The following SEH1L variants were observed in gnomAD, a reference collection of about 807,000 sequenced individuals.
The protein encoded by SEH1L is SEH1 like nucleoporin.
A neutral mutation model predicts 49.5 loss-of-function variants in SEH1L; 18 were observed. That is an observed-to-expected ratio of 0.36 (90% CI 0.25 to 0.54). SEH1L has a LOEUF of 0.54. SEH1L is among the 20% of genes least tolerant of loss of function. SEH1L has a pLI of 0.87. For synonymous variants in SEH1L, 169 were observed against 178.1 expected (o/e 0.95, Z 0.41); for missense variants, 404 against 528.8 (o/e 0.76, Z 2.31).
At chr18:12,960,626 A>T (rs1447087718) in intron 3 of SEH1L, among the ~76,000 whole-genome samples, 1 of 152,180 alleles carries the variant, frequency 6.6e-6, no homozygotes, top group Non-Finnish European at 1.5e-5. Context: ...ACAGCTGCTT[A>T]TGGGGAGGAA....
At chr18:12,955,335 G>T (rs2030784913) in intron 2 of SEH1L, 128 bp from the exon 3 acceptor site, 2 of 814,864 alleles carry the variant, frequency 2.5e-6, no homozygotes, top group Admixed American at 2.8e-5. Flanking sequence ...TTCTCTCATA[G>T]AAGTAAAACT....
chr18:12,982,912 T>A (rs1422071342), intron 7 of SEH1L: 1 of 343,628 alleles, frequency 2.9e-6, no homozygotes, highest in Non-Finnish European at 5.3e-6. Flanking sequence ...TACAACAGAA[T>A]ATGCAATATC....
intron 8 of SEH1L, chr18:12,985,648 T>C (rs1048494334): frequency 3.0e-6 from 3 of 987,612 alleles, no homozygotes; most frequent in African/African-American, 1.7e-5. Context: ...TCTTTTGCTT[T>C]CTTAAAACAG....
chr18:12,979,602 T>C (rs1186772892), intron 6 of SEH1L, among the ~76,000 whole-genome samples: 3 of 151,398 alleles, frequency 2.0e-5, no homozygotes, highest in Admixed American at 2.0e-4. Flanking sequence ...CCAGACGGGG[T>C]GGTGGCTGGG....
At chr18:12,975,887 G>A (rs2031897562) in intron 5 of SEH1L, 2 of 985,620 alleles carry the variant, frequency 2.0e-6, no homozygotes. Flanking sequence ...GGTCACGTGA[G>A]TCTTGGTTTC....
chr18:12,970,849 G>T (rs1384096638), intron 4 of SEH1L, among the ~76,000 whole-genome samples: 1 of 152,210 alleles, frequency 6.6e-6, no homozygotes, highest in African/African-American at 2.4e-5. Context: ...GACCTCTTAA[G>T]TATCTTTTAA....
intron 4 of SEH1L, among the ~76,000 whole-genome samples, chr18:12,967,817 G>T (rs147497340): frequency 6.6e-6 from 1 of 152,160 alleles, no homozygotes; most frequent in South Asian, 2.1e-4. Context: ...AGGAGGCTGA[G>T]GCAGGAGAAT....
rs1467685892 is a variant in SEH1L, at chr18:12,981,849, C to CTTTTTTTTTTTTTTTTTTTTT, written c.762-669_762-668insTTTTTTTTTTTTTTTTTTTTT. Among the ~76,000 whole-genome samples the CTTTTTTTTTTTTTTTTTTTTT allele has an allele frequency of 2.0e-5, 2 of 102,504 alleles. 1 individual carries two copies. 67.2% of individuals were successfully genotyped at this position (102,504 alleles called of 152,430 possible). A position where few individuals can be genotyped will look rare whatever the true frequency, so the allele number is the denominator to read the frequency against. ...ATTCTTTCCTACTTGCTGCCCTGCCCATTTTTTTTTTTTTTTTTTTTTTTT... is the reference window on the plus strand; with the variant it reads ...ATTCTTTCCTACTTGCTGCCCTGCCCTTTTTTTTTTTTTTTTTTTTTATTTTTTTTTTTTTTTTTTTTTTTT... On this transcript the variant is annotated intron_variant, in intron 6 of 8. Coordinates refer to ENST00000399892, the MANE Select transcript of SEH1L (RefSeq NM_001013437.2).
At position 12,967,037 on chromosome 18, in the gene SEH1L, C is replaced by T. The variant is rs1428520466; in HGVS notation, c.521+3666C>T. 1.4e-5 allele frequency among the ~76,000 whole-genome samples: 2 copies of T among 140,308 alleles called. 1 individual carries two copies. Among genetic ancestry groups the T allele is most frequent in the Non-Finnish European group, 3.1e-5 (2 of 65,458 alleles). The allele number at this position is 140,308 out of a possible 152,430, so 92.0% of individuals were successfully genotyped here. ...ACCAGTTTTTGTTACATGTATTACACTATTTCCCTGTGGTTTCTAGTGAAG... is the reference window on the plus strand; with the variant it reads ...ACCAGTTTTTGTTACATGTATTACATTATTTCCCTGTGGTTTCTAGTGAAG... On this transcript the variant is annotated intron_variant, in intron 4 of 8. Coordinates refer to ENST00000399892, the MANE Select transcript of SEH1L (RefSeq NM_001013437.2).
Position 12,948,040 on chromosome 18 carries a change from G to A in SEH1L, c.-82G>A, listed in dbSNP as rs528995697. The A allele has an allele frequency of 2.2e-4, 227 of 1,020,994 alleles. No homozygotes were observed. The South Asian group carries it at 3.1e-3, about 14-fold the overall frequency. 63.2% of individuals were successfully genotyped at this position (1,020,994 alleles called of 1,614,324 possible). On this transcript the variant is annotated 5_prime_UTR_variant, in exon 1 of 9. Coordinates refer to ENST00000399892, the MANE Select transcript of SEH1L (RefSeq NM_001013437.2). ...CAAGCCGTGCGCTCCCGGGCTGCGA[G>A]GTCTGGCTAGGCTACGGGCCACGCG...
intron 3 of SEH1L, among the ~76,000 whole-genome samples, chr18:12,958,783 C>G (rs1171021195): frequency 6.6e-6 from 1 of 152,164 alleles, no homozygotes; most frequent in Non-Finnish European, 1.5e-5. Context: ...TACTTCGTGG[C>G]TATTGTGAAT....
rs1189839367 is a variant in SEH1L at position 12,980,838 on chromosome 18, C to G, written c.762-1680C>G. Among the ~76,000 whole-genome samples, 214 of 123,386 alleles carry G rather than the reference C, an allele frequency of 1.7e-3. 4 individuals carry two copies. The highest frequency in any genetic ancestry group is 2.8e-3 in the Non-Finnish European group (156 of 56,138). 80.9% of individuals were successfully genotyped at this position (123,386 alleles called of 152,430 possible). The stretch of plus-strand genomic sequence containing the variant: ...GGCGGGGGGCTGACCCCCCCACTTC[C>G]CTTCCGGACGGGGCGGCTGGCCGGG... On this transcript the variant is annotated intron_variant, in intron 6 of 8. Coordinates refer to ENST00000399892, the MANE Select transcript of SEH1L (RefSeq NM_001013437.2).
chr18:12,965,952 A>G (rs907977505), intron 4 of SEH1L, among the ~76,000 whole-genome samples: 3 of 152,214 alleles, frequency 2.0e-5, no homozygotes, highest in African/African-American at 7.2e-5. Flanking sequence ...CTCATCTCCC[A>G]GCTACAGTAA....
chr18:12,951,897 A>G lies in SEH1L; in HGVS notation c.154A>G (p.Ser52Gly). The change falls in exon 2 of 9, where the codon AGC becomes GGC. Residue 52 changes from serine to glycine, a missense_variant. Physicochemically the swap from Ser to Gly is moderately conservative, Grantham distance 56 (BLOSUM62 0). Coordinates refer to ENST00000399892, the MANE Select transcript of SEH1L (RefSeq NM_001013437.2). ...AAGTGGTGATTGGCATTGTACTGCT[A>G]GCTGGAAGGTTAGTATTTATTTTTA... is the stretch of plus-strand genomic sequence containing the variant. The part of the protein sequence containing the change: ...SESGDWHCTA[S>G]WKTHSGSVWR... 1 of 1,545,160 alleles carries G rather than the reference A, an allele frequency of 6.5e-7. No homozygotes were observed. The highest frequency in any genetic ancestry group is 8.8e-7 in the Non-Finnish European group (1 of 1,132,534).
chr18:12,968,676 T>C (rs1305412129), intron 4 of SEH1L, among the ~76,000 whole-genome samples: 1 of 152,190 alleles, frequency 6.6e-6, no homozygotes, highest in Admixed American at 6.5e-5. Flanking sequence ...CTAATGGCAC[T>C]CTTTCTAGAT....
intron 5 of SEH1L, 33 bp downstream of exon 5, chr18:12,971,284 G>T (rs1288500172): frequency 7.7e-7 from 1 of 1,301,856 alleles, no homozygotes; most frequent in Non-Finnish European, 1.1e-6. Context: ...TAATTGTTCA[G>T]AATTGCATTT....
intron 3 of SEH1L, among the ~76,000 whole-genome samples, chr18:12,958,461 T>C (rs1598948154): frequency 6.6e-6 from 1 of 152,198 alleles, no homozygotes; most frequent in South Asian, 2.1e-4. Flanking sequence ...ATCACTGTTA[T>C]CTGTACTCAA....
intron 4 of SEH1L, among the ~76,000 whole-genome samples, chr18:12,968,894 G>C (rs1170035963): frequency 2.6e-5 from 4 of 152,152 alleles, no homozygotes; most frequent in African/African-American, 4.8e-5. Context: ...TCAGGTTGCT[G>C]TCTGGACATT....
chr18:12,961,020 C>T (rs1273495776), intron 3 of SEH1L, among the ~76,000 whole-genome samples: 1 of 152,142 alleles, frequency 6.6e-6, no homozygotes, highest in African/African-American at 2.4e-5. Context: ...ATGGTTTGAT[C>T]TTGGACTTGG....
Sources: allele counts gnomAD v4.1 joint callset (sites outside exome capture counted in the v4.1 genomes callset), GRCh38; gene constraint gnomAD v4.1.1; transcripts MANE v1.5; gene names NCBI Gene and HGNC (gene_info 2026-07-23, HGNC 2026-07-21).